The following UGT1A8 variants were observed in gnomAD, a reference collection of about 807,000 sequenced individuals.
The protein encoded by UGT1A8 is UDP-glucuronosyltransferase 1A8.
Under a neutral mutation model 45.3 loss-of-function variants are expected in UGT1A8, and 39 were observed. That is an observed-to-expected ratio of 0.86 (90% CI 0.67 to 1.12). The LOEUF (loss-of-function observed/expected upper bound fraction) is 1.12. Ranked by LOEUF, UGT1A8 falls within the 50% of genes most tolerant of loss-of-function variation. The pLI is 0.00. For synonymous variants in UGT1A8, 275 were observed against 249.2 expected, an observed-to-expected ratio of 1.10 and a Z score of -0.97; for missense variants, 719 against 664.9, an observed-to-expected ratio of 1.08 and a Z score of -0.90.
At chr2:233,657,203 C>T (rs1170305683) in intron 1 of UGT1A8, among the ~76,000 whole-genome samples, 3 of 152,236 alleles carry the variant, frequency 2.0e-5, no homozygotes, top group African/African-American at 7.2e-5. Flanking sequence ...CCTTTCCTGG[C>T]TCATGGGCTT....
At chr2:233,656,421 G>A (rs538852437) in intron 1 of UGT1A8, among the ~76,000 whole-genome samples, 1 of 152,318 alleles carries the variant, frequency 6.6e-6, no homozygotes, top group Admixed American at 6.5e-5. Flanking sequence ...ACAAGGAATG[G>A]ACGTCAGTTA....
chr2:233,625,135 T>C (rs2073068230), intron 1 of UGT1A8, among the ~76,000 whole-genome samples: 1 of 151,956 alleles, frequency 6.6e-6, no homozygotes, highest in South Asian at 2.1e-4. Flanking sequence ...ATTATTACAA[T>C]AAAGCAAACT....
chr2:233,717,657 C>T (rs2076595751), intron 1 of UGT1A8: 1 of 407,814 alleles, frequency 2.5e-6, no homozygotes, highest in South Asian at 1.8e-5. Context: ...GACAAGGAAG[C>T]ATCAGCAATC....
chr2:233,683,795 T>G (rs2074650778), intron 1 of UGT1A8, among the ~76,000 whole-genome samples: 1 of 152,188 alleles, frequency 6.6e-6, no homozygotes, highest in Non-Finnish European at 1.5e-5. Context: ...ACATTTATCT[T>G]GTATGTAGTC....
chr2:233,633,682 T>C (rs182376894), intron 1 of UGT1A8, among the ~76,000 whole-genome samples: 235 of 152,288 alleles, frequency 1.5e-3, no homozygotes, highest in Non-Finnish European at 1.7e-3. Flanking sequence ...TTATTGTGTC[T>C]ATTGATTCTT....
chr2:233,723,392 T>C (rs1199723178), intron 1 of UGT1A8, among the ~76,000 whole-genome samples: 1 of 129,940 alleles, frequency 7.7e-6, no homozygotes, highest in Non-Finnish European at 1.6e-5. Context: ...GTACTTTTAG[T>C]AGAGATGGGG....
At chr2:233,733,420 A>C (rs1380282532) in intron 1 of UGT1A8, among the ~76,000 whole-genome samples, 1 of 152,116 alleles carries the variant, frequency 6.6e-6, no homozygotes, top group African/African-American at 2.4e-5. Context: ...GTTTTCGCCT[A>C]CTCAGTATGA....
At chr2:233,766,979 T>C in intron 1 of UGT1A8, 55 bp from the exon 2 acceptor site, 1 of 1,612,672 alleles carries the variant, frequency 6.2e-7, no homozygotes, top group Non-Finnish European at 8.5e-7. Flanking sequence ...TTACTGTATG[T>C]AGTCATCAAA....
Position 233,672,477 on chromosome 2 carries a change from A to G in UGT1A8, c.855+53915A>G, listed in dbSNP as rs892727312. 2.5e-6 allele frequency: 4 copies of G among 1,613,828 alleles called. No individual in the cohort carries two copies. The African/African-American group carries it at 5.3e-5, about 22-fold the overall frequency. Reference sequence around the variant, plus strand: ...TTTGCCACTATCTTGAAGAAGGTGCACAGTGCCCTGCTCCTCTTTCCTATG... The same window carrying G: ...TTTGCCACTATCTTGAAGAAGGTGCGCAGTGCCCTGCTCCTCTTTCCTATG... On this transcript the variant is annotated intron_variant, in intron 1 of 4. Transcript: ENST00000373450.
At chr2:233,770,350 T>C (rs1700063045) in intron 4 of UGT1A8, 1 of 152,104 alleles carries the variant, frequency 6.6e-6, no homozygotes, top group Non-Finnish European at 1.5e-5. Flanking sequence ...CAATTACTAT[T>C]GAATGAATGA....
chr2:233,722,246 G>C (rs1029128389), intron 1 of UGT1A8, among the ~76,000 whole-genome samples: 4 of 152,178 alleles, frequency 2.6e-5, no homozygotes, highest in Non-Finnish European at 4.4e-5. Context: ...TATTATCTGT[G>C]ACAGACACGC....
intron 1 of UGT1A8, chr2:233,760,250 G>GT: frequency 6.2e-7 from 1 of 1,601,220 alleles, no homozygotes; most frequent in Non-Finnish European, 8.5e-7. Flanking sequence ...ATATATATAA[G>GT]TAGGAGAGGG....
intron 1 of UGT1A8, among the ~76,000 whole-genome samples, chr2:233,634,483 G>A (rs1284862200): frequency 6.6e-6 from 1 of 151,728 alleles, no homozygotes; most frequent in East Asian, 1.9e-4. Context: ...CTTTATGGGT[G>A]CTCCTGTATT....
intron 1 of UGT1A8, among the ~76,000 whole-genome samples, chr2:233,763,987 G>C (rs144684818): frequency 6.6e-6 from 1 of 152,188 alleles, no homozygotes; most frequent in Non-Finnish European, 1.5e-5. Flanking sequence ...CTGGGAATGC[G>C]TGATGGTGAA....
chr2:233,688,919 A>C (rs926541519), intron 1 of UGT1A8, among the ~76,000 whole-genome samples: 4 of 152,204 alleles, frequency 2.6e-5, no homozygotes, highest in Non-Finnish European at 4.4e-5. Context: ...TGTGCCAAGC[A>C]GGGAAGATGG....
chr2:233,624,217 T>TA, intron 1 of UGT1A8, among the ~76,000 whole-genome samples: 1 of 152,126 alleles, frequency 6.6e-6, no homozygotes, highest in Non-Finnish European at 1.5e-5. Flanking sequence ...ATCCCATTGA[T>TA]ACCACCTGAA....
chr2:233,729,421 C>T (rs1041783998), intron 1 of UGT1A8: 2 of 1,613,652 alleles, frequency 1.2e-6, no homozygotes, highest in Non-Finnish European at 1.7e-6. Context: ...CCACACTCAA[C>T]TGTACTTTGA....
chr2:233,652,938 T>C (rs1157709820), intron 1 of UGT1A8, among the ~76,000 whole-genome samples: 2 of 152,214 alleles, frequency 1.3e-5, no homozygotes, highest in Non-Finnish European at 2.9e-5. Context: ...TTGTTGTGTA[T>C]GAGAAACAAC....
At position 233,634,702 on chromosome 2, in the gene UGT1A8, C is replaced by T. The variant is rs536409976; in HGVS notation, c.855+16140C>T. 1.1e-3 allele frequency among the ~76,000 whole-genome samples: 159 copies of T among 140,762 alleles called. 4 individuals carry two copies. In the Middle Eastern group the frequency reaches 0.039, roughly 35 times the overall value. The allele number at this position is 140,762 out of a possible 152,430, so 92.3% of individuals were successfully genotyped here. On this transcript the variant is annotated intron_variant, in intron 1 of 4. Transcript: ENST00000373450. ...TATTTTGAGCCTATATGTCTTTACA[C>T]GTGAAATGGGTCTTCTGAATGCAGC...
Sources: allele counts gnomAD v4.1 joint callset (sites outside exome capture counted in the v4.1 genomes callset), GRCh38; gene constraint gnomAD v4.1.1; transcripts MANE v1.5; gene names NCBI Gene and HGNC (gene_info 2026-07-23, HGNC 2026-07-21).